The following ELAVL2 variants were observed in gnomAD, a reference collection of about 807,000 sequenced individuals.
ELAVL2 encodes ELAV-like protein 2.
Under a neutral mutation model 34.6 loss-of-function variants are expected in ELAVL2, and 4 were observed. The ratio of observed to expected loss-of-function variants is 0.12; its 90% CI spans 0.06 to 0.26. The LOEUF (loss-of-function observed/expected upper bound fraction) is 0.26. ELAVL2 is among the 10% of genes least tolerant of loss of function. The pLI, the probability that ELAVL2 is intolerant of heterozygous loss-of-function variation, is 1.00. For missense variants in ELAVL2, 432 were observed against 442.8 expected, an observed-to-expected ratio of 0.98 and a Z score of 0.22; for synonymous variants, 193 against 154.8, an observed-to-expected ratio of 1.25 and a Z score of -1.83.
chr9:23,711,290 A>G (rs1415787594), intron 3 of ELAVL2, among the ~76,000 whole-genome samples: 1 of 152,204 alleles, frequency 6.6e-6, no homozygotes, highest in Non-Finnish European at 1.5e-5. Context: ...AGAACCTTAA[A>G]TTTTATCGTG....
intron 2 of ELAVL2, among the ~76,000 whole-genome samples, chr9:23,733,313 C>A (rs1429617522): frequency 6.6e-6 from 1 of 152,034 alleles, no homozygotes; most frequent in Admixed American, 6.5e-5. Context: ...ACTACATTGG[C>A]TGGGCCATGC....
chr9:23,828,431 A>C (rs1369620976), upstream of ELAVL2, among the ~76,000 whole-genome samples: 4 of 152,204 alleles, frequency 2.6e-5, no homozygotes, highest in African/African-American at 9.6e-5. Context: ...GTTTATATCC[A>C]CAAAAAAAGA....
chr9:23,761,438 G>A (rs188629623), intron 2 of ELAVL2, among the ~76,000 whole-genome samples: 2 of 151,930 alleles, frequency 1.3e-5, no homozygotes, highest in Admixed American at 1.3e-4. Flanking sequence ...TATAATTAAG[G>A]CTTTATCTTT....
At chr9:23,745,285 A>G (rs1340418739) in intron 2 of ELAVL2, among the ~76,000 whole-genome samples, 1 of 152,190 alleles carries the variant, frequency 6.6e-6, no homozygotes, top group Non-Finnish European at 1.5e-5. Context: ...ATGTTTTCTG[A>G]ATGTATAATC....
chr9:23,742,282 C>CGACCAA (rs1251910648), intron 2 of ELAVL2, among the ~76,000 whole-genome samples: 6 of 152,166 alleles, frequency 3.9e-5, no homozygotes, highest in African/African-American at 1.4e-4. Flanking sequence ...TTCTGCCCCC[C>CGACCAA]GACCAAGCTA....
intron 3 of ELAVL2, among the ~76,000 whole-genome samples, chr9:23,706,844 T>C (rs2039488504): frequency 6.6e-6 from 1 of 152,208 alleles, no homozygotes; most frequent in South Asian, 2.1e-4. Flanking sequence ...TTGCCACTTT[T>C]TCTTGGCTTT....
chr9:23,698,956 G>C (rs766062791), intron 5 of ELAVL2, among the ~76,000 whole-genome samples: 7 of 152,030 alleles, frequency 4.6e-5, no homozygotes, highest in Non-Finnish European at 8.8e-5. Context: ...GGGGTGAATG[G>C]GACAACAGTT....
intron 3 of ELAVL2, 32 bp downstream of exon 3, chr9:23,730,990 C>G: frequency 6.4e-7 from 1 of 1,574,156 alleles, no homozygotes; most frequent in Non-Finnish European, 8.7e-7. Context: ...ACTTCTGTTC[C>G]GCAAGTAGAT....
intron 2 of ELAVL2, among the ~76,000 whole-genome samples, chr9:23,760,934 C>G (rs768762747): frequency 2.6e-5 from 4 of 151,890 alleles, no homozygotes; most frequent in Admixed American, 6.6e-5. Flanking sequence ...GCTCAAAGTC[C>G]CATGTATGAA....
chr9:23,790,350 G>A (rs1038693728), intron 1 of ELAVL2, among the ~76,000 whole-genome samples: 2 of 152,170 alleles, frequency 1.3e-5, no homozygotes, highest in Non-Finnish European at 2.9e-5. Flanking sequence ...CACATTATTA[G>A]ACACCCCAAT....
At chr9:23,832,246 C>G in the ELAVL2 span, 1 of 152,102 alleles carries the variant, frequency 6.6e-6, no homozygotes, top group African/African-American at 2.4e-5. Context: ...TTGTCATCCA[C>G]AGGAAAGAAT....
At chr9:23,840,157 A>G in the ELAVL2 span, among the ~76,000 whole-genome samples, 2 of 152,202 alleles carry the variant, frequency 1.3e-5, no homozygotes, top group Non-Finnish European at 2.9e-5. Flanking sequence ...TAAAATGGGC[A>G]TTAAAAATAA....
Position 23,701,425 on chromosome 9 carries a change from T to C in ELAVL2, c.667A>G (p.Asn223Asp), listed in dbSNP as rs1416580522. 6.2e-7 allele frequency: 1 copy of C among 1,614,110 alleles called. No individual in the cohort carries two copies. ...AILSQLYQSP[N>D]RRYPGPLAQQ... ...GCTAGCGGTCCTGGATACCTTCTGT[T>C]TGGAGACTGGTACAGCTGGGAAAGG... is the stretch of plus-strand genomic sequence containing the variant. Residue 223 changes from asparagine to aspartate, a missense_variant, in exon 5 of 7, where the codon AAC becomes GAC. Asn to Asp is a conservative substitution (Grantham distance 23). Coordinates refer to ENST00000397312, the MANE Select transcript of ELAVL2 (RefSeq NM_004432.5).
chr9:23,839,349 A>G, the ELAVL2 span, among the ~76,000 whole-genome samples: 8 of 152,212 alleles, frequency 5.3e-5, no homozygotes, highest in African/African-American at 1.9e-4. Context: ...TCATGCACTC[A>G]TTTGACTCAT....
intron 1 of ELAVL2, among the ~76,000 whole-genome samples, chr9:23,817,104 TTGTC>T (rs1047203524): frequency 1.3e-5 from 2 of 152,234 alleles, no homozygotes; most frequent in Admixed American, 6.5e-5. Flanking sequence ...AATTTTAAAT[TTGTC>T]AAGTTTTTTA....
intron 1 of ELAVL2, among the ~76,000 whole-genome samples, chr9:23,783,320 A>G (rs1365311822): frequency 1.3e-5 from 2 of 152,248 alleles, no homozygotes; most frequent in Non-Finnish European, 1.5e-5. Flanking sequence ...ACTGGAAGAC[A>G]GCAAGATCTC....
At chr9:23,833,137 T>G in the ELAVL2 span, among the ~76,000 whole-genome samples, 1 of 151,962 alleles carries the variant, frequency 6.6e-6, no homozygotes, top group African/African-American at 2.4e-5. Flanking sequence ...GAGAAATTTA[T>G]GGTTATGTAA....
intron 1 of ELAVL2, among the ~76,000 whole-genome samples, chr9:23,797,430 T>C (rs1268509831): frequency 6.6e-6 from 1 of 152,204 alleles, no homozygotes; most frequent in Non-Finnish European, 1.5e-5. Context: ...TCATGTTATC[T>C]GGTAAATCTC....
rs894295338 is a variant in ELAVL2 at position 23,808,285 on chromosome 9, G to C, written c.-16+17521C>G. On this transcript the variant is annotated intron_variant, in intron 1 of 6. Coordinates refer to ENST00000397312, the MANE Select transcript of ELAVL2 (RefSeq NM_004432.5). ...AAATCACAATTATATGTAATAATTTGTAGAACTTTAACATAATATCTCCTC... is the reference window on the plus strand; with the variant it reads ...AAATCACAATTATATGTAATAATTTCTAGAACTTTAACATAATATCTCCTC... Among the ~76,000 whole-genome samples the C allele has an allele frequency of 8.5e-5, 13 of 152,224 alleles. 1 individual carries two copies. The highest frequency in any genetic ancestry group is 3.1e-4 in the African/African-American group (13 of 41,534).
Sources: gnomAD v4.1 joint callset for allele counts (sites outside exome capture counted in the v4.1 genomes callset) on GRCh38, gnomAD v4.1.1 for gene constraint, MANE v1.5 for transcripts, NCBI Gene and HGNC (gene_info 2026-07-23, HGNC 2026-07-21) for gene names.